ABCB5: variants seen among roughly 807,000 people sequenced by gnomAD.
ABCB5 encodes the protein ATP-binding cassette sub-family B member 5.
ABCB5 carries 155 observed loss-of-function variants against 144.2 expected under a neutral mutation model. The observed-to-expected ratio is 1.08, with a 90% CI of 0.94 to 1.23. ABCB5 has a LOEUF of 1.23. ABCB5 is among the 50% of genes most tolerant of loss of function. The probability of loss-of-function intolerance (pLI) is 0.00; values close to 1 mark genes in which losing one functional copy is unlikely to be tolerated. For synonymous variants in ABCB5, 610 were observed against 528.6 expected (o/e 1.15, Z -2.11); for missense variants, 1,830 against 1,520.8 (o/e 1.20, Z -3.38).
chr7:20,754,475 A>G (rs147337446), intron 27 of ABCB5, among the ~76,000 whole-genome samples: 1 of 152,352 alleles, frequency 6.6e-6, no homozygotes, highest in Non-Finnish European at 1.5e-5. Flanking sequence ...TCATTTTATG[A>G]GGTTATTGAA....
At chr7:20,724,062 C>T (rs1781954892) in intron 21 of ABCB5, among the ~76,000 whole-genome samples, 1 of 152,118 alleles carries the variant, frequency 6.6e-6, no homozygotes, top group Admixed American at 6.6e-5. Flanking sequence ...TGCACAACAT[C>T]CCTGTCAAGC....
chr7:20,645,869 AG>A lies in ABCB5; in HGVS notation c.793del (p.Glu265AsnfsTer17). ...TVIAFRAQEK[E>X]LQRYTQNLKD... ...TCATAGCCTTTAGGGCCCAGGAGAAAGAACTTCAAAGGTCTTTCCTTTTAAA... is the reference window on the plus strand; with the variant it reads ...TCATAGCCTTTAGGGCCCAGGAGAAAAACTTCAAAGGTCTTTCCTTTTAAA... On this transcript the variant is annotated frameshift_variant, in exon 8 of 28. Coordinates refer to ENST00000404938, the MANE Select transcript of ABCB5 (RefSeq NM_001163941.2). LOFTEE classifies it high-confidence loss of function. 1 of 1,613,700 alleles carries A rather than the reference AG, an allele frequency of 6.2e-7. No individual in the cohort carries two copies. Among genetic ancestry groups the A allele is most frequent in the Non-Finnish European group, 8.5e-7 (1 of 1,179,732 alleles).
chr7:20,687,118 T>C (rs1335581935), intron 16 of ABCB5, among the ~76,000 whole-genome samples: 10 of 152,192 alleles, frequency 6.6e-5, no homozygotes, highest in African/African-American at 2.2e-4. Flanking sequence ...AAGAATATAG[T>C]ACAAGAAAGT....
chr7:20,623,231 T>C, intron 1 of ABCB5, 34 bp from the exon 2 acceptor site: 2 of 1,217,614 alleles, frequency 1.6e-6, no homozygotes, highest in South Asian at 1.3e-5. Flanking sequence ...AAAAGTCACA[T>C]AGCCATAATA....
chr7:20,629,056 A>G (rs1343079854), intron 4 of ABCB5, among the ~76,000 whole-genome samples: 1 of 152,100 alleles, frequency 6.6e-6, no homozygotes, highest in Non-Finnish European at 1.5e-5. Context: ...AAATAAATAA[A>G]TAAGAAACAA....
At chr7:20,624,304 A>C (rs1275891320) in intron 2 of ABCB5, among the ~76,000 whole-genome samples, 1 of 152,246 alleles carries the variant, frequency 6.6e-6, no homozygotes, top group Non-Finnish European at 1.5e-5. Context: ...TTCTGGCGTC[A>C]GACTGAAGTT....
At chr7:20,652,202 T>C (rs897891245) in intron 13 of ABCB5, among the ~76,000 whole-genome samples, 28 of 152,338 alleles carry the variant, frequency 1.8e-4, no homozygotes, top group African/African-American at 6.5e-4. Context: ...AATGTTCAGA[T>C]TGGTTCTGTG....
At chr7:20,626,097 G>A (rs1288789416) in intron 2 of ABCB5, among the ~76,000 whole-genome samples, 1 of 152,170 alleles carries the variant, frequency 6.6e-6, no homozygotes, top group African/African-American at 2.4e-5. Context: ...TTTTTCTGAG[G>A]TGCCCAGAGC....
intron 20 of ABCB5, among the ~76,000 whole-genome samples, chr7:20,713,971 A>G (rs567749326): frequency 3.9e-5 from 6 of 152,306 alleles, no homozygotes; most frequent in Middle Eastern, 3.4e-3. Flanking sequence ...CTCAGAGTCT[A>G]TTGGGCTCTT....
At chr7:20,665,756 TAGATAGATAGAGATACATAC>T (rs1425154542) in intron 14 of ABCB5, among the ~76,000 whole-genome samples, 1 of 138,778 alleles carries the variant, frequency 7.2e-6, no homozygotes, top group African/African-American at 2.6e-5. Context: ...GATAGATAGA[TAGATAGATAGAGATACATAC>T]ATACATACAT....
At chr7:20,688,689 A>G (rs1786090999) in intron 16 of ABCB5, among the ~76,000 whole-genome samples, 3 of 152,202 alleles carry the variant, frequency 2.0e-5, no homozygotes, top group Admixed American at 2.0e-4. Context: ...TTGCAGCACT[A>G]TTCACAATAG....
At chr7:20,666,831 G>T in intron 14 of ABCB5, 1 of 1,550,406 alleles carries the variant, frequency 6.4e-7, no homozygotes, top group Non-Finnish European at 8.7e-7. Flanking sequence ...AACCACAGTG[G>T]TATGAATTGC....
chr7:20,675,889 C>T (rs186376788), intron 14 of ABCB5, among the ~76,000 whole-genome samples: 38 of 152,130 alleles, frequency 2.5e-4, no homozygotes, highest in Admixed American at 2.3e-3. Context: ...CCAAAAAAGA[C>T]ATACAAATGG....
At chr7:20,663,457 G>A (rs1316874881) in intron 14 of ABCB5, among the ~76,000 whole-genome samples, 1 of 152,150 alleles carries the variant, frequency 6.6e-6, no homozygotes, top group Non-Finnish European at 1.5e-5. Context: ...AAACCTTGAA[G>A]AATTATCCTA....
chr7:20,667,754 G>C (rs939651730), intron 14 of ABCB5, among the ~76,000 whole-genome samples: 8 of 110,780 alleles, frequency 7.2e-5, no homozygotes, highest in African/African-American at 9.5e-5. Context: ...CCTCTGCCTC[G>C]TCTCCCTCTG....
At position 20,711,610 on chromosome 7, in the gene ABCB5, T is replaced by C. The variant is rs749512962; in HGVS notation, c.2421+6803T>C. Among the ~76,000 whole-genome samples the C allele has an allele frequency of 1.4e-4, 21 of 148,092 alleles. 3 individuals are homozygous for C. The highest frequency in any genetic ancestry group is 2.8e-4 in the African/African-American group (11 of 39,870). ...CTGAGTAGCTGGGACTCTGGGCACA[T>C]GCCACCATGTCCAGTTAATTGTTTG... On this transcript the variant is annotated intron_variant, in intron 20 of 27. Coordinates refer to ENST00000404938, the MANE Select transcript of ABCB5 (RefSeq NM_001163941.2).
rs567927909 is a variant in ABCB5, at chr7:20,713,315, C to T, written c.2421+8508C>T. Among the ~76,000 whole-genome samples, 203 of 149,068 alleles carry T rather than the reference C, an allele frequency of 1.4e-3. 11 individuals are homozygous for T. The Middle Eastern group carries it at 0.028, about 20-fold the overall frequency. Reference sequence around the variant, plus strand: ...GTGGCATGAACACAGTTCACTGTATCCTTGACTTGGGAGCAGGCTCAAGCA... The same window carrying T: ...GTGGCATGAACACAGTTCACTGTATTCTTGACTTGGGAGCAGGCTCAAGCA... On this transcript the variant is annotated intron_variant, in intron 20 of 27. Coordinates refer to ENST00000404938, the MANE Select transcript of ABCB5 (RefSeq NM_001163941.2).
At chr7:20,693,132 A>G (rs1786289372) in intron 16 of ABCB5, among the ~76,000 whole-genome samples, 1 of 152,118 alleles carries the variant, frequency 6.6e-6, no homozygotes, top group African/African-American at 2.4e-5. Flanking sequence ...CTATAACACA[A>G]GTCTCAATAA....
chr7:20,680,132 A>G (rs1352036725), intron 14 of ABCB5, among the ~76,000 whole-genome samples: 2 of 152,242 alleles, frequency 1.3e-5, no homozygotes, highest in Non-Finnish European at 2.9e-5. Flanking sequence ...CAAAAACATA[A>G]TGTTGAGTGA....
Sources: allele counts gnomAD v4.1 joint callset (sites outside exome capture counted in the v4.1 genomes callset), GRCh38; gene constraint gnomAD v4.1.1; transcripts MANE v1.5; gene names NCBI Gene and HGNC (gene_info 2026-07-23, HGNC 2026-07-21).